SYT9: variants seen among roughly 807,000 people sequenced by gnomAD.
The protein encoded by SYT9 is synaptotagmin 9.
A neutral mutation model predicts 48.4 loss-of-function variants in SYT9; 22 were observed. The observed-to-expected ratio is 0.45, with a 90% CI of 0.32 to 0.65. The LOEUF (loss-of-function observed/expected upper bound fraction) is 0.65, where lower values mean the gene tolerates loss of function less well. Ranked by LOEUF, SYT9 falls within the 30% of genes least tolerant of loss-of-function variation. The pLI, the probability that SYT9 is intolerant of heterozygous loss-of-function variation, is 0.03. For synonymous variants in SYT9, 265 were observed against 245.0 expected, an observed-to-expected ratio of 1.08 and a Z score of -0.76; for missense variants, 577 against 622.0, an observed-to-expected ratio of 0.93 and a Z score of 0.77.
At chr11:7,298,815 G>A (rs1848860806) in intron 1 of SYT9, among the ~76,000 whole-genome samples, 1 of 152,100 alleles carries the variant, frequency 6.6e-6, no homozygotes, top group South Asian at 2.1e-4. Flanking sequence ...CAGTAGAAGA[G>A]GTTTCTGACA....
intron 3 of SYT9, among the ~76,000 whole-genome samples, chr11:7,408,382 C>T (rs147184310): frequency 8.0e-4 from 122 of 152,354 alleles, no homozygotes; most frequent in African/African-American, 2.8e-3. Flanking sequence ...CTCGCCTCAG[C>T]CTCCCAAAGT....
chr11:7,318,067 G>A (rs1849272151), intron 3 of SYT9, among the ~76,000 whole-genome samples: 1 of 152,060 alleles, frequency 6.6e-6, no homozygotes, highest in South Asian at 2.1e-4. Context: ...CTTTCTACAC[G>A]TGACCATAGT....
intron 6 of SYT9, among the ~76,000 whole-genome samples, chr11:7,434,631 T>C (rs7949004): frequency 0.63 from 96,159 of 151,986 alleles, 31,162 homozygotes; most frequent in African/African-American, 0.77. Context: ...GACCCCAAAG[T>C]ATGGCAGGGC....
intron 3 of SYT9, among the ~76,000 whole-genome samples, chr11:7,362,611 G>C (rs1241416289): frequency 6.6e-6 from 1 of 152,166 alleles, no homozygotes; most frequent in Non-Finnish European, 1.5e-5. Context: ...AAAATTGGTA[G>C]GGTATGCCAT....
chr11:7,319,314 ATT>A (rs1849299363), intron 3 of SYT9, among the ~76,000 whole-genome samples: 1 of 142,838 alleles, frequency 7.0e-6, no homozygotes, highest in African/African-American at 2.6e-5. Flanking sequence ...ATATGCCTTT[ATT>A]TTGCTTTTAT....
chr11:7,329,210 T>C (rs1023592695), intron 3 of SYT9, among the ~76,000 whole-genome samples: 12 of 152,182 alleles, frequency 7.9e-5, no homozygotes, highest in African/African-American at 2.9e-4. Context: ...CTTCCATGTT[T>C]GTTTGTTTAT....
At chr11:7,355,039 G>A (rs992720601) in intron 3 of SYT9, among the ~76,000 whole-genome samples, 17 of 152,034 alleles carry the variant, frequency 1.1e-4, no homozygotes, top group African/African-American at 4.1e-4. Context: ...AGGGATTTTC[G>A]ATACACATTA....
At chr11:7,261,391 A>G (rs181619617) in intron 1 of SYT9, among the ~76,000 whole-genome samples, 4 of 152,252 alleles carry the variant, frequency 2.6e-5, no homozygotes, top group Non-Finnish European at 5.9e-5. Flanking sequence ...TTTGCTCACC[A>G]TATATTTATT....
Position 7,267,272 on chromosome 11 carries a change from G to T in SYT9, c.145+14941G>T, listed in dbSNP as rs375404021. On this transcript the variant is annotated intron_variant, in intron 1 of 6. Coordinates refer to ENST00000318881, the MANE Select transcript of SYT9 (RefSeq NM_175733.4). ...CATCAACTAGACTAAATACATAGAG[G>T]ATAGAAGTTATAGAGTTAAAATAAT... Among the ~76,000 whole-genome samples, 98 of 151,950 alleles carry T rather than the reference G, an allele frequency of 6.4e-4. No homozygotes were observed. The South Asian group carries it at 0.02, about 31-fold the overall frequency.
At chr11:7,309,277 G>T (rs1030510669) in intron 2 of SYT9, among the ~76,000 whole-genome samples, 1 of 152,252 alleles carries the variant, frequency 6.6e-6, no homozygotes. Context: ...CAGCATTAGG[G>T]TGTGGCTTAT....
chr11:7,436,834 C>T (rs187577814), intron 6 of SYT9, among the ~76,000 whole-genome samples: 25 of 152,342 alleles, frequency 1.6e-4, no homozygotes, highest in Non-Finnish European at 3.1e-4. Context: ...TAGTGTCTAA[C>T]AGGAAGAGGA....
intron 1 of SYT9, among the ~76,000 whole-genome samples, chr11:7,270,199 T>C (rs1021218486): frequency 3.9e-5 from 6 of 152,182 alleles, no homozygotes; most frequent in African/African-American, 1.4e-4. Context: ...TATAAATATA[T>C]ATTTTAAACC....
intron 3 of SYT9, among the ~76,000 whole-genome samples, chr11:7,350,788 A>G (rs961767774): frequency 6.6e-6 from 1 of 152,246 alleles, no homozygotes; most frequent in Admixed American, 6.5e-5. Flanking sequence ...TGATGTAGAA[A>G]GAGAGAGAAA....
At chr11:7,411,726 T>C (rs1312822054) in intron 3 of SYT9, among the ~76,000 whole-genome samples, 1 of 152,140 alleles carries the variant, frequency 6.6e-6, no homozygotes, top group Admixed American at 6.5e-5. Flanking sequence ...TTGTGTGGGG[T>C]TCTCTGAGCC....
At chr11:7,348,280 GTT>G (rs1849839733) in intron 3 of SYT9, among the ~76,000 whole-genome samples, 1 of 152,076 alleles carries the variant, frequency 6.6e-6, no homozygotes, top group Non-Finnish European at 1.5e-5. Flanking sequence ...CTATTAATCT[GTT>G]CCCAAAAAGA....
At chr11:7,387,726 A>T (rs1850688347) in intron 3 of SYT9, among the ~76,000 whole-genome samples, 1 of 152,106 alleles carries the variant, frequency 6.6e-6, no homozygotes, top group South Asian at 2.1e-4. Flanking sequence ...TTCCCTTTCC[A>T]TATCTGGTTT....
At chr11:7,403,764 TAA>T (rs35381072) in intron 3 of SYT9, among the ~76,000 whole-genome samples, 3 of 151,312 alleles carry the variant, frequency 2.0e-5, no homozygotes, top group African/African-American at 4.9e-5. Flanking sequence ...TTGGTGCACC[TAA>T]AAAAAAAAGA....
intron 3 of SYT9, among the ~76,000 whole-genome samples, chr11:7,375,445 C>A (rs901060990): frequency 1.4e-4 from 21 of 152,094 alleles, no homozygotes; most frequent in African/African-American, 4.8e-4. Flanking sequence ...TTTTCTAATC[C>A]TGTGAAGAAA....
At chr11:7,385,978 G>C (rs1165632080) in intron 3 of SYT9, among the ~76,000 whole-genome samples, 1 of 152,126 alleles carries the variant, frequency 6.6e-6, no homozygotes, top group Non-Finnish European at 1.5e-5. Context: ...ACAATATTGA[G>C]TCTTCCAACT....
Sources: gnomAD v4.1 joint callset for allele counts (sites outside exome capture counted in the v4.1 genomes callset) on GRCh38, gnomAD v4.1.1 for gene constraint, MANE v1.5 for transcripts, NCBI Gene and HGNC (gene_info 2026-07-23, HGNC 2026-07-21) for gene names.